TDRD5: variants seen among roughly 807,000 people sequenced by gnomAD.
The protein encoded by TDRD5 is tudor domain containing 5, also known as tudor domain-containing protein 5.
In TDRD5, 41 loss-of-function variants were observed where a neutral mutation model predicts 120.6. The ratio of observed to expected loss-of-function variants is 0.34; its 90% CI spans 0.26 to 0.44. TDRD5 has a LOEUF of 0.44. TDRD5 is among the 20% of genes least tolerant of loss of function. The pLI is 1.00. For missense variants in TDRD5, 1,006 were observed against 1,221.2 expected (o/e 0.82, Z 2.63); for synonymous variants, 430 against 433.7 (o/e 0.99, Z 0.11).
chr1:179,643,603 G>A (rs1053899739), intron 11 of TDRD5, among the ~76,000 whole-genome samples: 2 of 146,470 alleles, frequency 1.4e-5, no homozygotes, highest in Non-Finnish European at 3.0e-5. Context: ...AGACAGTGGA[G>A]GAGTCTATGA....
At chr1:179,637,718 G>GAA (rs34392871) in intron 9 of TDRD5, among the ~76,000 whole-genome samples, 25,290 of 130,578 alleles carry the variant, frequency 0.19, 2,720 homozygotes, top group Non-Finnish European at 0.28. Flanking sequence ...CTGTCTGGGG[G>GAA]AAAAAAAAAA....
chr1:179,686,762 T>C (rs925798957), intron 17 of TDRD5, among the ~76,000 whole-genome samples: 1 of 152,218 alleles, frequency 6.6e-6, no homozygotes, highest in African/African-American at 2.4e-5. Context: ...CTTCCTGGCT[T>C]AGTCTTGGGA....
intron 4 of TDRD5, among the ~76,000 whole-genome samples, 163 bp downstream of exon 4, chr1:179,595,981 G>C (rs1027792684): frequency 6.6e-6 from 1 of 152,212 alleles, no homozygotes; most frequent in African/African-American, 2.4e-5. Context: ...AGTAAGAAGT[G>C]AGAAGTGGAG....
At chr1:179,629,327 GA>G (rs1677308819) in intron 6 of TDRD5, among the ~76,000 whole-genome samples, 1 of 152,066 alleles carries the variant, frequency 6.6e-6, no homozygotes, top group Non-Finnish European at 1.5e-5. Context: ...ATTCAAATGG[GA>G]GACTACCTGA....
At position 179,618,587 on chromosome 1, in the gene TDRD5, C is replaced by CT; in HGVS notation, c.832-6dup. ...GGGACTGTGACTTGACTTTTTTTTT[C>CT]TTTTTTCATAGCTGGAGAACACATT... On this transcript the variant is annotated splice_polypyrimidine_tract_variant and intron_variant, in intron 4 of 17. Transcript: ENST00000444136. 6.5e-7 allele frequency: 1 copy of CT among 1,545,056 alleles called. No homozygotes were observed. Among genetic ancestry groups the CT allele is most frequent in the Admixed American group, 2.1e-5 (1 of 48,362 alleles).
intron 14 of TDRD5, among the ~76,000 whole-genome samples, chr1:179,660,910 T>G (rs1371969299): frequency 6.6e-6 from 1 of 152,216 alleles, no homozygotes; most frequent in Non-Finnish European, 1.5e-5. Flanking sequence ...ATTGAGAATA[T>G]ATTTATTACT....
intron 14 of TDRD5, 90 bp from the exon 15 acceptor site, chr1:179,662,014 G>A: frequency 8.3e-7 from 1 of 1,205,692 alleles, no homozygotes; most frequent in South Asian, 2.2e-5. Context: ...TCTTTACCTG[G>A]AGTCAGGAAA....
intron 6 of TDRD5, among the ~76,000 whole-genome samples, chr1:179,624,433 GTAATA>G (rs1326951698): frequency 6.6e-6 from 1 of 152,016 alleles, no homozygotes; most frequent in Non-Finnish European, 1.5e-5. Flanking sequence ...TCTAACCAAT[GTAATA>G]AGGAAATAAA....
chr1:179,686,775 G>A (rs918617683), intron 17 of TDRD5, among the ~76,000 whole-genome samples: 7 of 152,184 alleles, frequency 4.6e-5, no homozygotes, highest in Admixed American at 1.3e-4. Context: ...TCTTGGGAGG[G>A]TGTATGTGTC....
At chr1:179,654,111 CA>C in intron 13 of TDRD5, 89 bp from the exon 14 acceptor site, 2 of 1,138,572 alleles carry the variant, frequency 1.8e-6, no homozygotes, top group East Asian at 2.7e-5. Context: ...TGAACCATAG[CA>C]AAAACTTCCC....
At chr1:179,625,459 T>C (rs1002829364) in intron 6 of TDRD5, among the ~76,000 whole-genome samples, 7 of 152,180 alleles carry the variant, frequency 4.6e-5, no homozygotes, top group African/African-American at 1.7e-4. Flanking sequence ...GACGAGTCTA[T>C]AGCTCCATAA....
At chr1:179,612,562 ATTTACC>A (rs1676337985) in intron 4 of TDRD5, among the ~76,000 whole-genome samples, 2 of 152,122 alleles carry the variant, frequency 1.3e-5, no homozygotes, top group East Asian at 1.9e-4. Flanking sequence ...ATTAATAGGT[ATTTACC>A]TTTAAGAGTA....
At chr1:179,684,111 A>G (rs979718902) in intron 17 of TDRD5, among the ~76,000 whole-genome samples, 1 of 152,130 alleles carries the variant, frequency 6.6e-6, no homozygotes, top group Admixed American at 6.5e-5. Context: ...GGTTTGTTAC[A>G]TATGTATACA....
chr1:179,636,126 T>C (rs1051651990), intron 9 of TDRD5, among the ~76,000 whole-genome samples: 2 of 152,212 alleles, frequency 1.3e-5, no homozygotes, highest in Non-Finnish European at 2.9e-5. Flanking sequence ...TGGCATTGTT[T>C]TATCCTTTTG....
At chr1:179,617,922 G>A (rs1676644977) in intron 4 of TDRD5, among the ~76,000 whole-genome samples, 1 of 152,130 alleles carries the variant, frequency 6.6e-6, no homozygotes, top group Non-Finnish European at 1.5e-5. Context: ...TACCTGCTAA[G>A]TTTAGATTAT....
chr1:179,679,538 C>A (rs1456543329), intron 17 of TDRD5, among the ~76,000 whole-genome samples: 1 of 152,010 alleles, frequency 6.6e-6, no homozygotes, highest in Non-Finnish European at 1.5e-5. Flanking sequence ...AAGCTAATGT[C>A]TTTAATAGAT....
At chr1:179,648,951 T>C (rs1012152465) in intron 11 of TDRD5, among the ~76,000 whole-genome samples, 3 of 152,180 alleles carry the variant, frequency 2.0e-5, no homozygotes, top group Non-Finnish European at 4.4e-5. Context: ...AAAATATCAT[T>C]TATTTTTCAC....
intron 4 of TDRD5, among the ~76,000 whole-genome samples, chr1:179,608,001 C>T (rs1676070272): frequency 2.0e-5 from 3 of 151,662 alleles, no homozygotes; most frequent in African/African-American, 7.3e-5. Context: ...AGCTTTTATT[C>T]ATCTGAAAAA....
intron 4 of TDRD5, among the ~76,000 whole-genome samples, chr1:179,610,846 G>T (rs1676237381): frequency 1.3e-5 from 2 of 151,744 alleles, no homozygotes; most frequent in African/African-American, 4.8e-5. Context: ...AATTGTTTTT[G>T]TAAGTTCCAA....
Sources: allele counts gnomAD v4.1 joint callset (sites outside exome capture counted in the v4.1 genomes callset), GRCh38; gene constraint gnomAD v4.1.1; transcripts MANE v1.5; gene names NCBI Gene and HGNC (gene_info 2026-07-23, HGNC 2026-07-21).